DCC: variants seen among roughly 807,000 people sequenced by gnomAD.
DCC encodes netrin receptor DCC.
Under a neutral mutation model 172.5 loss-of-function variants are expected in DCC, and 58 were observed. The ratio of observed to expected loss-of-function variants is 0.34; its 90% CI spans 0.27 to 0.42. The LOEUF (loss-of-function observed/expected upper bound fraction) is 0.42. DCC is among the 10% of genes least tolerant of loss of function. The pLI, the probability that DCC is intolerant of heterozygous loss-of-function variation, is 1.00. For missense variants in DCC, 1,740 were observed against 1,791.0 expected (o/e 0.97, Z 0.51); for synonymous variants, 709 against 644.5 (o/e 1.10, Z -1.52).
chr18:53,104,681 G>A (rs2043219783), intron 7 of DCC, among the ~76,000 whole-genome samples: 1 of 152,024 alleles, frequency 6.6e-6, no homozygotes, highest in South Asian at 2.1e-4. Context: ...AGTATGTCTG[G>A]ATTATCTTTA....
intron 2 of DCC, among the ~76,000 whole-genome samples, chr18:52,868,111 G>GTA (rs771803498): frequency 2.4e-4 from 36 of 150,238 alleles, no homozygotes; most frequent in Admixed American, 6.0e-4. Flanking sequence ...GTGTATATTT[G>GTA]TATATATATG....
intron 1 of DCC, among the ~76,000 whole-genome samples, chr18:52,668,014 A>ATTT (rs2035485144): frequency 1.3e-5 from 2 of 151,602 alleles, no homozygotes; most frequent in South Asian, 4.2e-4. Flanking sequence ...TTTTCCCACT[A>ATTT]TTTTTCTTTC....
chr18:53,354,750 C>A (rs1248012369), intron 15 of DCC, among the ~76,000 whole-genome samples: 1 of 148,062 alleles, frequency 6.8e-6, no homozygotes, highest in African/African-American at 2.5e-5. Flanking sequence ...TGTGCAGAAG[C>A]TCTTTAGTTT....
chr18:53,192,355 A>G (rs2055377974), intron 9 of DCC, among the ~76,000 whole-genome samples: 1 of 152,132 alleles, frequency 6.6e-6, no homozygotes, highest in Non-Finnish European at 1.5e-5. Context: ...TCATTTTTTC[A>G]AGTATGGAGA....
chr18:53,394,384 C>T (rs1908777665), intron 17 of DCC, among the ~76,000 whole-genome samples: 2 of 152,120 alleles, frequency 1.3e-5, no homozygotes, highest in South Asian at 4.1e-4. Context: ...AGGGATTTCC[C>T]CACAAGAGTG....
intron 7 of DCC, among the ~76,000 whole-genome samples, chr18:53,084,564 G>A (rs761748754): frequency 1.3e-5 from 2 of 152,160 alleles, no homozygotes; most frequent in South Asian, 4.1e-4. Context: ...TCCAGGCCCT[G>A]CCAGATCTTC....
chr18:53,367,014 C>T (rs2058012690), intron 15 of DCC, among the ~76,000 whole-genome samples: 1 of 152,190 alleles, frequency 6.6e-6, no homozygotes, highest in South Asian at 2.1e-4. Context: ...TTTATTGTCA[C>T]AGCTTTGTCT....
At chr18:52,922,489 C>A (rs764863497) in intron 3 of DCC, among the ~76,000 whole-genome samples, 63 of 152,228 alleles carry the variant, frequency 4.1e-4, no homozygotes, top group East Asian at 3.9e-4. Context: ...CTCCTCACCC[C>A]GATCCTAGTT....
chr18:52,672,423 T>C (rs1282988417), intron 1 of DCC, among the ~76,000 whole-genome samples: 1 of 152,168 alleles, frequency 6.6e-6, no homozygotes, highest in Non-Finnish European at 1.5e-5. Context: ...TATCCAATTT[T>C]TATGGAAATG....
intron 5 of DCC, among the ~76,000 whole-genome samples, chr18:53,050,142 C>T (rs976329815): frequency 2.0e-5 from 3 of 152,108 alleles, no homozygotes; most frequent in Admixed American, 2.0e-4. Context: ...AAGTCAGCTT[C>T]TTCCACCTTC....
chr18:53,526,781 A>G (rs1568188060), intron 28 of DCC, 22 bp downstream of exon 28: 3 of 1,612,952 alleles, frequency 1.9e-6, no homozygotes, highest in Non-Finnish European at 2.5e-6. Context: ...TTTAAAATTC[A>G]TGCTTCATCA....
chr18:52,541,878 T>TATATATATATATATATAC, intron 1 of DCC, among the ~76,000 whole-genome samples: 2 of 136,712 alleles, frequency 1.5e-5, no homozygotes, highest in East Asian at 4.3e-4. Context: ...TGTGTGTGTA[T>TATATATATATATATATAC]ATATATATAT....
intron 9 of DCC, among the ~76,000 whole-genome samples, chr18:53,187,943 GT>G (rs1339974008): frequency 2.0e-5 from 3 of 152,170 alleles, no homozygotes; most frequent in Non-Finnish European, 4.4e-5. Context: ...AGCTGAGATG[GT>G]GTCACTCATT....
At chr18:53,407,026 A>T (rs940902119) in intron 19 of DCC, among the ~76,000 whole-genome samples, 17 of 152,192 alleles carry the variant, frequency 1.1e-4, no homozygotes, top group African/African-American at 4.1e-4. Context: ...TCAGAAACTG[A>T]TGTCTGCACC....
intron 7 of DCC, among the ~76,000 whole-genome samples, chr18:53,136,786 T>TA: frequency 2.6e-5 from 4 of 152,330 alleles, no homozygotes; most frequent in Admixed American, 2.6e-4. Context: ...AAAGTTGTTT[T>TA]AAAAATGAGG....
At chr18:53,176,025 A>G (rs1426269308) in intron 8 of DCC, among the ~76,000 whole-genome samples, 3 of 150,540 alleles carry the variant, frequency 2.0e-5, no homozygotes, top group African/African-American at 7.3e-5. Flanking sequence ...ATAACGTCGC[A>G]TATCTACAAC....
intron 7 of DCC, among the ~76,000 whole-genome samples, chr18:53,118,773 A>C (rs576315808): frequency 1.3e-5 from 2 of 151,900 alleles, no homozygotes; most frequent in East Asian, 3.9e-4. Context: ...AACATGACTG[A>C]CATTAACAGT....
intron 24 of DCC, among the ~76,000 whole-genome samples, chr18:53,466,689 C>A (rs146498435): frequency 0.032 from 4,835 of 152,214 alleles, 277 homozygotes; most frequent in African/African-American, 0.11. Context: ...CCACACCCAG[C>A]TAATTTTTGT....
In DCC at chr18:53,304,578, T is replaced by G. The variant is rs1159162665; in HGVS notation, c.1912-1000T>G. ...GAAACTTTGGCCTCTGAGTTGAATA[T>G]CCCCAGAGGATAAAGCTACCAACAC... On this transcript the variant is annotated intron_variant, in intron 12 of 28. Coordinates refer to ENST00000442544, the MANE Select transcript of DCC (RefSeq NM_005215.4). Among the ~76,000 whole-genome samples, 3 of 152,226 alleles carry G rather than the reference T, an allele frequency of 2.0e-5. No homozygotes were observed. The East Asian group carries it at 5.8e-4, about 29-fold the overall frequency.
Sources: allele counts gnomAD v4.1 joint callset (sites outside exome capture counted in the v4.1 genomes callset), GRCh38; gene constraint gnomAD v4.1.1; transcripts MANE v1.5; gene names NCBI Gene and HGNC (gene_info 2026-07-23, HGNC 2026-07-21).